SLC38A6: variants seen among roughly 807,000 people sequenced by gnomAD.
SLC38A6 encodes solute carrier family 38 member 6.
Under a neutral mutation model 65.0 loss-of-function variants are expected in SLC38A6, and 73 were observed. The ratio of observed to expected loss-of-function variants is 1.12; its 90% CI spans 0.93 to 1.37. The LOEUF (loss-of-function observed/expected upper bound fraction) is 1.37, where lower values mean the gene tolerates loss of function less well. Among genes scored for constraint, SLC38A6 ranks in the 40% most tolerant of loss-of-function variants. SLC38A6 has a pLI of 0.00. For missense variants in SLC38A6, 561 were observed against 531.1 expected (o/e 1.06, Z -0.55); for synonymous variants, 183 against 178.8 (o/e 1.02, Z -0.19).
chr14:61,007,790 A>G (rs976780335), intron 3 of SLC38A6, among the ~76,000 whole-genome samples: 15 of 152,152 alleles, frequency 9.9e-5, no homozygotes, highest in African/African-American at 3.4e-4. Context: ...TTAGAAAATG[A>G]TATGTACATA....
chr14:61,035,112 T>A (rs1251522472), intron 6 of SLC38A6, among the ~76,000 whole-genome samples: 1 of 152,142 alleles, frequency 6.6e-6, no homozygotes, highest in Admixed American at 6.6e-5. Flanking sequence ...TTTGAAAAAG[T>A]CCCTATTGGT....
chr14:61,006,120 G>A (rs1247293529), intron 3 of SLC38A6, among the ~76,000 whole-genome samples: 1 of 152,160 alleles, frequency 6.6e-6, no homozygotes, highest in Non-Finnish European at 1.5e-5. Context: ...AAACTGGCTA[G>A]CCATATGTAG....
intron 12 of SLC38A6, among the ~76,000 whole-genome samples, chr14:61,049,690 G>A (rs529371120): frequency 9.2e-5 from 14 of 152,146 alleles, no homozygotes; most frequent in Non-Finnish European, 1.5e-4. Flanking sequence ...GTTTCCTTTT[G>A]TTTTTGGTTT....
intron 3 of SLC38A6, among the ~76,000 whole-genome samples, chr14:61,013,774 C>T (rs544095682): frequency 1.3e-5 from 2 of 152,252 alleles, no homozygotes; most frequent in South Asian, 2.1e-4. Flanking sequence ...TGATGGGCTT[C>T]CCATTGTGGG....
At position 61,022,130 on chromosome 14, in the gene SLC38A6, G is replaced by A. The variant is rs146727452; in HGVS notation, c.403+2550G>A. On this transcript the variant is annotated intron_variant, in intron 5 of 15. Coordinates refer to ENST00000267488, the MANE Select transcript of SLC38A6 (RefSeq NM_153811.3). The stretch of plus-strand genomic sequence containing the variant: ...TGGGAGGCATATTAATTATTTTAAC[G>A]TATTAACGTATTTTATTACAGGAAA... Among the ~76,000 whole-genome samples the A allele has an allele frequency of 7.9e-5, 12 of 152,016 alleles. 1 individual carries two copies. Among genetic ancestry groups the A allele is most frequent in the East Asian group, 3.9e-4 (2 of 5,186 alleles).
intron 15 of SLC38A6, among the ~76,000 whole-genome samples, chr14:61,061,147 C>G (rs969024268): frequency 6.6e-5 from 10 of 152,254 alleles, no homozygotes; most frequent in African/African-American, 2.4e-4. Context: ...GGCTCCTCCC[C>G]CAAGTGTTGA....
At chr14:61,010,148 T>C (rs1330739090) in intron 3 of SLC38A6, among the ~76,000 whole-genome samples, 6 of 152,222 alleles carry the variant, frequency 3.9e-5, no homozygotes, top group East Asian at 3.8e-4. Flanking sequence ...ATGAGCATTT[T>C]TTCATGTGTT....
chr14:61,028,988 TA>T (rs2040777236), intron 5 of SLC38A6, among the ~76,000 whole-genome samples: 1 of 152,124 alleles, frequency 6.6e-6, no homozygotes, highest in Non-Finnish European at 1.5e-5. Flanking sequence ...ACATTCTTCT[TA>T]AACTATTTGA....
At chr14:61,062,131 C>G in intron 15 of SLC38A6, among the ~76,000 whole-genome samples, 1 of 152,036 alleles carries the variant, frequency 6.6e-6, no homozygotes, top group Non-Finnish European at 1.5e-5. Flanking sequence ...ATGCCCAGCC[C>G]CTGTGTAGGT....
intron 3 of SLC38A6, among the ~76,000 whole-genome samples, chr14:61,001,309 A>G (rs1371617594): frequency 1.3e-5 from 2 of 152,180 alleles, no homozygotes; most frequent in Non-Finnish European, 1.5e-5. Flanking sequence ...CAAGGTTGAG[A>G]AACCCTGGCA....
Position 61,019,709 on chromosome 14 carries a change from G to A in SLC38A6, c.403+129G>A, listed in dbSNP as rs571539794. ...GCTATCTTCAGAAGCCTGTGTGTTGGCCTCTTTACTCTTTTTTTTTTTGGA... is the reference window on the plus strand; with the variant it reads ...GCTATCTTCAGAAGCCTGTGTGTTGACCTCTTTACTCTTTTTTTTTTTGGA... On this transcript the variant is annotated intron_variant, in intron 5 of 15. Coordinates refer to ENST00000267488, the MANE Select transcript of SLC38A6 (RefSeq NM_153811.3). The A allele has an allele frequency of 1.2e-4, 102 of 878,260 alleles. No individual in the cohort carries two copies. The East Asian group carries it at 2.4e-3, about 20-fold the overall frequency. 54.4% of individuals were successfully genotyped at this position (878,260 alleles called of 1,614,324 possible).
rs773857038 is a variant in SLC38A6 at position 61,050,470 on chromosome 14, C to G, written c.926-42C>G. 1.5e-5 allele frequency: 21 copies of G among 1,358,102 alleles called. No homozygotes were observed. In the South Asian group the frequency reaches 2.5e-4, roughly 16 times the overall value. 84.1% of individuals were successfully genotyped at this position (1,358,102 alleles called of 1,614,324 possible). ...GAAAACAATTTTGTTACTATTGATA[C>G]CTTAGTACTTTATAATGTGATCCTT... On this transcript the variant is annotated intron_variant, in intron 12 of 15. Coordinates refer to ENST00000267488, the MANE Select transcript of SLC38A6 (RefSeq NM_153811.3).
At chr14:60,991,960 A>G (rs1405905684) in intron 3 of SLC38A6, among the ~76,000 whole-genome samples, 1 of 152,148 alleles carries the variant, frequency 6.6e-6, no homozygotes, top group African/African-American at 2.4e-5. Flanking sequence ...AATATGCCCG[A>G]TGGCCATACT....
chr14:61,010,400 A>G (rs1018505414), intron 3 of SLC38A6, among the ~76,000 whole-genome samples: 22 of 152,058 alleles, frequency 1.4e-4, no homozygotes, highest in African/African-American at 5.3e-4. Flanking sequence ...CCATTTGTCA[A>G]TTTTGGCTTT....
chr14:61,023,911 A>G (rs1417050886), intron 5 of SLC38A6, among the ~76,000 whole-genome samples: 1 of 152,166 alleles, frequency 6.6e-6, no homozygotes, highest in African/African-American at 2.4e-5. Context: ...CCTAGTACTT[A>G]GCACATAGTA....
chr14:61,011,454 G>T (rs891361237), intron 3 of SLC38A6, among the ~76,000 whole-genome samples: 7 of 151,924 alleles, frequency 4.6e-5, no homozygotes, highest in African/African-American at 1.5e-4. Flanking sequence ...TCCCTGTCTT[G>T]TGCCAGTTTT....
intron 5 of SLC38A6, among the ~76,000 whole-genome samples, chr14:61,020,371 G>T (rs182392699): frequency 6.6e-6 from 1 of 152,248 alleles, no homozygotes; most frequent in East Asian, 1.9e-4. Context: ...TGTATAGTCA[G>T]AGGACATTTT....
At chr14:61,021,202 G>A (rs1179043109) in intron 5 of SLC38A6, among the ~76,000 whole-genome samples, 1 of 152,098 alleles carries the variant, frequency 6.6e-6, no homozygotes, top group Non-Finnish European at 1.5e-5. Context: ...TGATAAACTT[G>A]TTGAGCAGAA....
At chr14:61,021,213 T>C (rs189966320) in intron 5 of SLC38A6, among the ~76,000 whole-genome samples, 3 of 152,312 alleles carry the variant, frequency 2.0e-5, no homozygotes, top group African/African-American at 7.2e-5. Flanking sequence ...TTGAGCAGAA[T>C]AGAGCTGAAA....
Sources: allele counts gnomAD v4.1 joint callset (sites outside exome capture counted in the v4.1 genomes callset), GRCh38; gene constraint gnomAD v4.1.1; transcripts MANE v1.5; gene names NCBI Gene and HGNC (gene_info 2026-07-23, HGNC 2026-07-21).